RBBP8: variants seen among roughly 807,000 people sequenced by gnomAD.
RBBP8 encodes the protein RB binding protein 8, endonuclease.
Under a neutral mutation model 108.3 loss-of-function variants are expected in RBBP8, and 88 were observed. That is an observed-to-expected ratio of 0.81 (90% confidence interval 0.68 to 0.97). RBBP8 has a LOEUF of 0.97. RBBP8 is among the 50% of genes least tolerant of loss of function. The pLI is 0.00. For missense variants in RBBP8, 1,023 were observed against 1,049.0 expected (o/e 0.98, Z 0.34); for synonymous variants, 332 against 348.2 (o/e 0.95, Z 0.52).
upstream of RBBP8, among the ~76,000 whole-genome samples, chr18:22,928,590 G>C (rs1048847281): frequency 6.6e-6 from 1 of 152,070 alleles, no homozygotes; most frequent in Non-Finnish European, 1.5e-5. Context: ...AGAGCAAGGG[G>C]TACAGCAGAG....
rs1017417050 is a variant in RBBP8 at position 22,954,596 on chromosome 18, A to G, written c.248+4883A>G. On this transcript the variant is annotated intron_variant, in intron 4 of 18. Transcript: ENST00000327155. ...GGCATTGAGTGTTTGCGGCTTTTCC[A>G]GGTGCACAGTGCAAGCTGTTGGTGG... 2.6e-5 allele frequency among the ~76,000 whole-genome samples: 4 copies of G among 152,044 alleles called. No individual in the cohort carries two copies. The East Asian group carries it at 5.8e-4, about 22-fold the overall frequency.
chr18:22,967,830 T>G (rs1913747473), intron 4 of RBBP8, among the ~76,000 whole-genome samples: 1 of 151,728 alleles, frequency 6.6e-6, no homozygotes, highest in African/African-American at 2.4e-5. Context: ...GTATTTTTAG[T>G]AGAGACAGGG....
At chr18:22,992,724 G>A (rs764504316) in intron 10 of RBBP8, 24 bp from the exon 11 acceptor site, 3 of 1,552,808 alleles carry the variant, frequency 1.9e-6, no homozygotes. Context: ...CTGTATTAAA[G>A]AATTGTTATC....
At chr18:22,996,294 T>G (rs1389324465) in intron 12 of RBBP8, 80 bp from the exon 13 acceptor site, 52 of 1,572,706 alleles carry the variant, frequency 3.3e-5, no homozygotes, top group Non-Finnish European at 4.5e-5. Context: ...TTTTCTATTC[T>G]TTAGGTCCCA....
At chr18:23,001,047 CA>C (rs1270474768) in intron 14 of RBBP8, among the ~76,000 whole-genome samples, 1 of 152,126 alleles carries the variant, frequency 6.6e-6, no homozygotes, top group African/African-American at 2.4e-5. Context: ...ATCTGTTCAC[CA>C]AAAGAACACT....
At chr18:22,925,081 G>A (rs187890534) in intron 3 of RBBP8, among the ~76,000 whole-genome samples, 1 of 151,728 alleles carries the variant, frequency 6.6e-6, no homozygotes, top group Admixed American at 6.6e-5. Context: ...ACAGGGTCTT[G>A]TTATGTTGCC....
chr18:22,925,253 C>G (rs1192018102), intron 3 of RBBP8, among the ~76,000 whole-genome samples: 3 of 152,162 alleles, frequency 2.0e-5, no homozygotes, highest in Non-Finnish European at 4.4e-5. Flanking sequence ...AATTAAAACA[C>G]AATTTCACTG....
chr18:22,935,163 A>G (rs1008998718), intron 1 of RBBP8, among the ~76,000 whole-genome samples: 2 of 151,548 alleles, frequency 1.3e-5, no homozygotes, highest in African/African-American at 4.8e-5. Flanking sequence ...TTTTTTACAG[A>G]AATAAATGTA....
At chr18:23,011,232 G>C (rs1324147311) in intron 16 of RBBP8, among the ~76,000 whole-genome samples, 1 of 152,038 alleles carries the variant, frequency 6.6e-6, no homozygotes. Flanking sequence ...TCTGTTTCAT[G>C]GTGCTTTATT....
intron 6 of RBBP8, among the ~76,000 whole-genome samples, chr18:22,980,965 CTTTT>C (rs1167377654): frequency 1.0e-4 from 7 of 69,488 alleles, no homozygotes; most frequent in South Asian, 7.1e-4. Flanking sequence ...CCACTTATGT[CTTTT>C]TTTTTTTTTT....
rs115228659 is a variant in RBBP8, at chr18:22,978,986, G to A, written c.429-3232G>A. Among the ~76,000 whole-genome samples the A allele has an allele frequency of 4.8e-3, 732 of 152,250 alleles. 4 individuals are homozygous for A. The highest frequency in any genetic ancestry group is 0.017 in the African/African-American group (705 of 41,548). The stretch of plus-strand genomic sequence containing the variant: ...TATTTGTCAATTAAAAATAAAATTT[G>A]GCTGGGCACAGTGGCTCATGCCTGT... On this transcript the variant is annotated intron_variant, in intron 6 of 18. Transcript: ENST00000327155.
chr18:22,927,833 T>C (rs11664339), intron 3 of RBBP8, among the ~76,000 whole-genome samples: 73,760 of 151,580 alleles, frequency 0.49, 21,234 homozygotes, highest in Middle Eastern at 0.65. Flanking sequence ...AGGCAGAGGT[T>C]GCAGTGAGTC....
chr18:23,001,754 T>C (rs1014305727), intron 15 of RBBP8, 25 bp downstream of exon 15: 3 of 1,613,696 alleles, frequency 1.9e-6, no homozygotes, highest in East Asian at 2.2e-5. Context: ...TGTTTAATTA[T>C]GGCTTCTCAG....
chr18:22,927,551 A>G (rs956334814), intron 3 of RBBP8, among the ~76,000 whole-genome samples: 2 of 152,196 alleles, frequency 1.3e-5, no homozygotes, highest in Admixed American at 6.5e-5. Context: ...TAATGTGGCT[A>G]GTCTAAACTG....
intron 7 of RBBP8, among the ~76,000 whole-genome samples, chr18:22,984,086 T>A (rs1348409967): frequency 6.6e-6 from 1 of 151,740 alleles, no homozygotes; most frequent in Non-Finnish European, 1.5e-5. Flanking sequence ...ATCTCAAAAA[T>A]AATAATAATA....
intron 8 of RBBP8, among the ~76,000 whole-genome samples, chr18:22,986,709 G>T (rs185085343): frequency 1.3e-5 from 2 of 152,326 alleles, no homozygotes; most frequent in Admixed American, 1.3e-4. Context: ...CCAGAGCCCA[G>T]TTGGGAGGGT....
rs1402713296 is a variant in RBBP8 at position 23,012,207 on chromosome 18, CCAAAAAAAAA to C, written c.2358-4620_2358-4611del. Among the ~76,000 whole-genome samples the C allele has an allele frequency of 6.2e-4, 50 of 81,178 alleles. 3 individuals carry two copies. The highest frequency in any genetic ancestry group is 2.0e-3 in the African/African-American group (42 of 21,396). The allele number at this position is 81,178 out of a possible 152,430, so 53.3% of individuals were successfully genotyped here. On this transcript the variant is annotated intron_variant, in intron 16 of 18. Transcript: ENST00000327155. ...TGGGAGACAAAGTGAGATGCTGTCT[CCAAAAAAAAA>C]AAAAAAAAAAAAAACCAACTATGAT...
At chr18:22,960,651 AGTAGTGCAATAATAGC>A (rs1457364555) in intron 4 of RBBP8, among the ~76,000 whole-genome samples, 1 of 152,118 alleles carries the variant, frequency 6.6e-6, no homozygotes, top group African/African-American at 2.4e-5. Context: ...GCTGGGGCGC[AGTAGTGCAATAATAGC>A]TCACTGCAGA....
chr18:23,007,221 A>G (rs1346977309), intron 16 of RBBP8, among the ~76,000 whole-genome samples: 3 of 151,276 alleles, frequency 2.0e-5, no homozygotes, highest in African/African-American at 4.9e-5. Flanking sequence ...GGATTTCACC[A>G]TGTTGGCCAG....
Sources: gnomAD v4.1 joint callset for allele counts (sites outside exome capture counted in the v4.1 genomes callset) on GRCh38, gnomAD v4.1.1 for gene constraint, MANE v1.5 for transcripts, NCBI Gene and HGNC (gene_info 2026-07-23, HGNC 2026-07-21) for gene names.